The following G3BP1 variants were observed in gnomAD, a reference collection of about 807,000 sequenced individuals.
The protein encoded by G3BP1 is G3BP stress granule assembly factor 1, also known as ras GTPase-activating protein-binding protein 1.
Under a neutral mutation model 58.6 loss-of-function variants are expected in G3BP1, and 35 were observed. That is an observed-to-expected ratio of 0.60 (90% CI 0.46 to 0.79). The LOEUF (loss-of-function observed/expected upper bound fraction) is 0.79, where lower values mean the gene tolerates loss of function less well. Ranked by LOEUF, G3BP1 falls within the 30% of genes least tolerant of loss-of-function variation. The pLI is 0.00. For synonymous variants in G3BP1, 191 were observed against 195.4 expected (o/e 0.98, Z 0.19); for missense variants, 523 against 580.8 (o/e 0.90, Z 1.02).
Position 151,795,501 on chromosome 5 carries a change from A to G in G3BP1, c.465A>G (p.Glu155=), listed in dbSNP as rs1442653715. Residue 155 remains glutamate (E), a synonymous_variant, in exon 6 of 12, where the codon GAA becomes GAG. Coordinates refer to ENST00000356245, the MANE Select transcript of G3BP1 (RefSeq NM_005754.3). Reference sequence around the variant, plus strand: ...TAGAGTCTGAAGAAGAAGTAGAGGAACCTGAAGAAAGACAGCAAACACCTG... The same window carrying G: ...TAGAGTCTGAAGAAGAAGTAGAGGAGCCTGAAGAAAGACAGCAAACACCTG... ...PQEESEEEVE[E]PEERQQTPEV... 1 of 1,593,092 alleles carries G rather than the reference A, an allele frequency of 6.3e-7. No homozygotes were observed. The highest frequency in any genetic ancestry group is 2.2e-5 in the East Asian group (1 of 44,776).
At chr5:151,795,786 G>A (rs1762738972) in intron 6 of G3BP1, among the ~76,000 whole-genome samples, 1 of 152,092 alleles carries the variant, frequency 6.6e-6, no homozygotes, top group Admixed American at 6.5e-5. Context: ...ATCTACTATT[G>A]CTTAGTTTAA....
rs1010376123 is a variant in G3BP1, at chr5:151,800,644, A to G, written c.1085-116A>G. 5 of 705,592 alleles carry G rather than the reference A, an allele frequency of 7.1e-6. No homozygotes were observed. The East Asian group carries it at 1.0e-4, about 15-fold the overall frequency. 43.7% of individuals were successfully genotyped at this position (705,592 alleles called of 1,614,324 possible). A position where few individuals can be genotyped will look rare whatever the true frequency, so the allele number is the denominator to read the frequency against. On this transcript the variant is annotated intron_variant, in intron 10 of 11. Transcript: ENST00000356245. Reference sequence around the variant, plus strand: ...ATCTCAATTCAGACTAGCTATATTTATAATTCAAGTGCTCAGTAGTCACAT... The same window carrying G: ...ATCTCAATTCAGACTAGCTATATTTGTAATTCAAGTGCTCAGTAGTCACAT...
chr5:151,786,230 G>A (rs1327991241), intron 1 of G3BP1, among the ~76,000 whole-genome samples: 1 of 152,110 alleles, frequency 6.6e-6, no homozygotes, highest in African/African-American at 2.4e-5. Flanking sequence ...TGGAGGTTGT[G>A]GTGAGCCGAG....
At chr5:151,780,822 A>T (rs1762457619) in intron 1 of G3BP1, among the ~76,000 whole-genome samples, 1 of 152,200 alleles carries the variant, frequency 6.6e-6, no homozygotes, top group South Asian at 2.1e-4. Flanking sequence ...GATAATGCTC[A>T]TAGTTCTTTA....
At chr5:151,791,163 C>G in intron 4 of G3BP1, 101 bp downstream of exon 4, 2 of 1,042,780 alleles carry the variant, frequency 1.9e-6, no homozygotes, top group Admixed American at 3.4e-5. Flanking sequence ...TTCAGACTTA[C>G]AGAAAACTTG....
chr5:151,776,533 G>A (rs960267522), intron 1 of G3BP1, among the ~76,000 whole-genome samples: 4 of 151,994 alleles, frequency 2.6e-5, no homozygotes, highest in Non-Finnish European at 5.9e-5. Context: ...AATGGATCTC[G>A]TCTGCAGCTA....
At chr5:151,803,335 C>T (rs979936284) in intron 11 of G3BP1, among the ~76,000 whole-genome samples, 3 of 152,062 alleles carry the variant, frequency 2.0e-5, no homozygotes, top group African/African-American at 4.8e-5. Flanking sequence ...CTCACTCTGT[C>T]GCCCATGCTG....
chr5:151,798,749 G>C lies in G3BP1; in HGVS notation c.742-463G>C, dbSNP rs560450449. On this transcript the variant is annotated intron_variant, in intron 7 of 11. Coordinates refer to ENST00000356245, the MANE Select transcript of G3BP1 (RefSeq NM_005754.3). ...GAGGCTGAGGCCAGGAGGATTGCTT[G>C]AGTTTAGGAGTTCAAGACCAGCCTG... is the stretch of plus-strand genomic sequence containing the variant. Among the ~76,000 whole-genome samples the C allele has an allele frequency of 2.0e-5, 3 of 152,242 alleles. No individual in the cohort carries two copies. The South Asian group carries it at 6.2e-4, about 32-fold the overall frequency.
intron 11 of G3BP1, 97 bp from the exon 12 acceptor site, chr5:151,803,788 C>G (rs911660568): frequency 1.1e-5 from 9 of 831,560 alleles, no homozygotes; most frequent in Non-Finnish European, 1.6e-5. Context: ...GTCACCGTGC[C>G]CAGCCTCTGC....
Position 151,800,245 on chromosome 5 carries a change from T to C in G3BP1, c.983T>C (p.Ile328Thr). The C allele has an allele frequency of 9.9e-6, 16 of 1,612,966 alleles. No individual in the cohort carries two copies. Among genetic ancestry groups the C allele is most frequent in the Non-Finnish European group, 1.4e-5 (16 of 1,179,802 alleles). ...CGTGAGGCTGGTGAGCAAGGTGACA[T>C]TGAACCCCGAAGAATGGTGAGACAC... ...PIREAGEQGD[I>T]EPRRMVRHPD... The change falls in exon 10 of 12, where the codon ATT (isoleucine) becomes ACT (threonine). Residue 328 changes from isoleucine to threonine, a missense_variant. Transcript: ENST00000356245.
chr5:151,786,968 G>T, intron 2 of G3BP1: 3 of 250,614 alleles, frequency 1.2e-5, no homozygotes, highest in Non-Finnish European at 2.3e-5. Flanking sequence ...CCAGCCTCCT[G>T]AGTAGCTGGG....
intron 1 of G3BP1, 62 bp from the exon 2 acceptor site, chr5:151,786,510 C>A (rs909672171): frequency 4.2e-6 from 3 of 716,202 alleles, no homozygotes; most frequent in Non-Finnish European, 7.6e-6. Flanking sequence ...CTGAAATGAT[C>A]TTGTCTCTGA....
At chr5:151,777,263 T>C (rs1426713025) in intron 1 of G3BP1, among the ~76,000 whole-genome samples, 1 of 152,242 alleles carries the variant, frequency 6.6e-6, no homozygotes, top group African/African-American at 2.4e-5. Flanking sequence ...TTTGAATACA[T>C]GACATAATCC....
At chr5:151,787,319 A>G (rs987484201) in intron 2 of G3BP1, 5 of 152,268 alleles carry the variant, frequency 3.3e-5, no homozygotes, top group African/African-American at 1.2e-4. Context: ...TGTATTGAAG[A>G]CAATCCATGA....
chr5:151,794,241 C>T lies in G3BP1; in HGVS notation c.434C>T (p.Pro145Leu), dbSNP rs759626471. ...GTCTTTGGTGGGTTTGTCACTGAGC[C>T]TCAGGAGGGTAAGTAGTGAAATACT... ...DEVFGGFVTE[P>L]QEESEEEVEE... The change falls in exon 5 of 12, where the codon CCT becomes CTT. Residue 145 changes from proline to leucine, a missense_variant. By Grantham distance (98) the Pro-to-Leu change is moderately conservative. This residue lies in a region of G3BP1 where 398 missense variants were observed against 399.1 expected (regional missense o/e 1.00). Coordinates refer to ENST00000356245, the MANE Select transcript of G3BP1 (RefSeq NM_005754.3). 3.2e-6 allele frequency: 5 copies of T among 1,582,762 alleles called. No individual in the cohort carries two copies. In the African/African-American group the frequency reaches 6.7e-5, roughly 21 times the overall value.
In G3BP1 at chr5:151,790,908, T is replaced by A; in HGVS notation, c.197T>A (p.Met66Lys). 6.3e-7 allele frequency: 1 copy of A among 1,592,550 alleles called. No individual in the cohort carries two copies. The highest frequency in any genetic ancestry group is 8.6e-7 in the Non-Finnish European group (1 of 1,163,430). Residue 66 changes from methionine (M) to lysine (K), a missense_variant, in exon 4 of 12, where the codon ATG becomes AAG. By Grantham distance (95) the Met-to-Lys change is moderately conservative. Transcript: ENST00000356245. Reference protein sequence around the residue: ...YGQKEIHRKVMSQNFTNCHTK... With the variant: ...YGQKEIHRKVKSQNFTNCHTK... Reference sequence around the variant, plus strand: ...TTTAAGGAAATCCACAGGAAAGTGATGTCACAAAACTTCACCAACTGCCAC... The same window carrying A: ...TTTAAGGAAATCCACAGGAAAGTGAAGTCACAAAACTTCACCAACTGCCAC...
intron 11 of G3BP1, among the ~76,000 whole-genome samples, chr5:151,802,148 A>G (rs1396209576): frequency 6.6e-6 from 1 of 152,214 alleles, no homozygotes; most frequent in Non-Finnish European, 1.5e-5. Context: ...TGGTTATAAC[A>G]TGTCAACCTG....
chr5:151,789,609 A>C (rs1762611896), intron 2 of G3BP1, among the ~76,000 whole-genome samples: 1 of 152,246 alleles, frequency 6.6e-6, no homozygotes, highest in Non-Finnish European at 1.5e-5. Flanking sequence ...GTTTAAGGGG[A>C]ACCGCTCACG....
Position 151,804,847 on chromosome 5 carries a change from A to G in G3BP1, c.*756A>G, listed in dbSNP as rs1275738338. ...ATTTGTAAAAAAACAAAAAGCAAAA[A>G]AATTCCCAAAACCCAGATAACAACC... On this transcript the variant is annotated 3_prime_UTR_variant, in exon 12 of 12. Transcript: ENST00000356245. 1 of 152,618 alleles carries G rather than the reference A, an allele frequency of 6.6e-6. No individual in the cohort carries two copies. Among genetic ancestry groups the G allele is most frequent in the East Asian group, 1.9e-4 (1 of 5,204 alleles). The allele number at this position is 152,618 out of a possible 1,614,324, so 9.5% of individuals were successfully genotyped here. A position where few individuals can be genotyped will look rare whatever the true frequency, so the allele number is the denominator to read the frequency against.
Sources: gnomAD v4.1 joint callset for allele counts (sites outside exome capture counted in the v4.1 genomes callset) on GRCh38, gnomAD v4.1.1 for gene constraint, gnomAD v4.1.1 regional missense constraint, MANE v1.5 for transcripts, NCBI Gene and HGNC (gene_info 2026-07-23, HGNC 2026-07-21) for gene names.